JCAD: variants seen among roughly 807,000 people sequenced by gnomAD.
JCAD encodes the protein junctional cadherin 5 associated.
In JCAD, 40 loss-of-function variants were observed where a neutral mutation model predicts 98.0. The ratio of observed to expected loss-of-function variants is 0.41; its 90% CI spans 0.32 to 0.53. The LOEUF (loss-of-function observed/expected upper bound fraction) is 0.53, where lower values mean the gene tolerates loss of function less well. Among genes scored for constraint, JCAD ranks in the 20% least tolerant of loss-of-function variants. The pLI is 0.31. For missense variants in JCAD, 1,705 were observed against 1,738.1 expected, an observed-to-expected ratio of 0.98 and a Z score of 0.34; for synonymous variants, 691 against 682.3, an observed-to-expected ratio of 1.01 and a Z score of -0.20.
chr10:30,033,811 C>T (rs1837053155), intron 2 of JCAD, among the ~76,000 whole-genome samples: 1 of 152,168 alleles, frequency 6.6e-6, no homozygotes, highest in Non-Finnish European at 1.5e-5. Flanking sequence ...GAGAGCCCTT[C>T]CAATCACAGA....
intron 1 of JCAD, among the ~76,000 whole-genome samples, chr10:30,050,908 T>A (rs1394109317): frequency 6.6e-6 from 1 of 152,352 alleles, no homozygotes; most frequent in Non-Finnish European, 1.5e-5. Flanking sequence ...ACACTTTCAT[T>A]CATTCTATGC....
intron 1 of JCAD, among the ~76,000 whole-genome samples, chr10:30,084,781 G>GTATCTACC (rs1554801614): frequency 8.9e-5 from 13 of 146,760 alleles, no homozygotes; most frequent in African/African-American, 3.3e-4. Flanking sequence ...AATCAAATCT[G>GTATCTACC]TATCTATCTA....
chr10:30,057,273 T>C (rs1463085361), intron 1 of JCAD, among the ~76,000 whole-genome samples: 3 of 152,226 alleles, frequency 2.0e-5, no homozygotes, highest in African/African-American at 7.2e-5. Flanking sequence ...CAGTGAGAAC[T>C]TGGGGGAGCC....
At chr10:30,065,239 G>A (rs1434945667) in intron 2 of JCAD, among the ~76,000 whole-genome samples, 1 of 152,092 alleles carries the variant, frequency 6.6e-6, no homozygotes, top group East Asian at 1.9e-4. Context: ...CAAAATAGCT[G>A]GAAGAGAATA....
intron 1 of JCAD, among the ~76,000 whole-genome samples, chr10:30,053,568 AAG>A (rs144376258): frequency 4.0e-5 from 6 of 149,528 alleles, no homozygotes; most frequent in African/African-American, 9.8e-5. Context: ...TCAAAAAAAA[AAG>A]AAAAGAAAAG....
intron 1 of JCAD, among the ~76,000 whole-genome samples, chr10:30,058,341 G>GGACAC (rs1317621474): frequency 6.6e-6 from 1 of 152,148 alleles, no homozygotes; most frequent in African/African-American, 2.4e-5. Context: ...GAGGGAATGA[G>GGACAC]GACACGGGAG....
chr10:30,020,050 C>T (rs1014576563), intron 3 of JCAD, among the ~76,000 whole-genome samples: 7 of 150,982 alleles, frequency 4.6e-5, no homozygotes, highest in Non-Finnish European at 8.8e-5. Flanking sequence ...ATCTTTTGGC[C>T]GGGCGAGGTG....
chr10:30,060,717 C>T (rs1427204740), upstream of JCAD, among the ~76,000 whole-genome samples: 1 of 152,144 alleles, frequency 6.6e-6, no homozygotes, highest in East Asian at 1.9e-4. Flanking sequence ...CATCTGAGCC[C>T]TTCCTATGTA....
intron 1 of JCAD, among the ~76,000 whole-genome samples, chr10:30,092,568 G>A (rs1419743146): frequency 6.6e-6 from 1 of 152,144 alleles, no homozygotes; most frequent in Non-Finnish European, 1.5e-5. Context: ...CAAGCCCAGC[G>A]TTTTATGTCA....
At position 30,028,520 on chromosome 10, in the gene JCAD, G is replaced by T; in HGVS notation, c.1628C>A (p.Ser543Tyr). ...QHGHTGRQVSSPYSQGESTCE... is the reference protein window; with the variant it reads ...QHGHTGRQVSYPYSQGESTCE... ...GGTGCTCTCGCCCTGTGAGTAAGGGGAGGAAACTTGTCTTCCAGTGTGCCC... is the reference window on the plus strand; with the variant it reads ...GGTGCTCTCGCCCTGTGAGTAAGGGTAGGAAACTTGTCTTCCAGTGTGCCC... The change falls in exon 3 of 4, where the codon TCC becomes TAC. Residue 543 changes from serine to tyrosine, a missense_variant. Around this residue, in one of 3 missense-constraint regions of JCAD, gnomAD observed 1,278 missense variants for 1,243.1 expected, o/e 1.03. Coordinates refer to ENST00000375377, the MANE Select transcript of JCAD (RefSeq NM_020848.4). 6.2e-7 allele frequency: 1 copy of T among 1,614,232 alleles called. No homozygotes were observed. Among genetic ancestry groups the T allele is most frequent in the Non-Finnish European group, 8.5e-7 (1 of 1,180,050 alleles).
chr10:30,019,378 GA>G (rs1019576230), intron 3 of JCAD, among the ~76,000 whole-genome samples: 2 of 119,910 alleles, frequency 1.7e-5, no homozygotes, highest in African/African-American at 3.2e-5. Flanking sequence ...AAAAAAAAAA[GA>G]AAAAAAGAAA....
intron 2 of JCAD, among the ~76,000 whole-genome samples, chr10:30,045,074 C>CACTT (rs1388756557): frequency 2.6e-5 from 4 of 152,146 alleles, no homozygotes; most frequent in Non-Finnish European, 5.9e-5. Context: ...TACACAAAGC[C>CACTT]ACTTATCTGA....
chr10:30,068,528 T>A (rs1837826728), intron 2 of JCAD, among the ~76,000 whole-genome samples: 1 of 151,956 alleles, frequency 6.6e-6, no homozygotes, highest in South Asian at 2.1e-4. Context: ...TATCAGGGCA[T>A]ATCTTGGATT....
rs1324509261 is a variant in JCAD at position 30,026,386 on chromosome 10, T to G, written c.3762A>C (p.Ala1254=). Residue 1254 remains alanine, a synonymous_variant, in exon 3 of 4, where the codon GCA becomes GCC. Transcript: ENST00000375377. ...TCATTCTCATCAGGCGGTCAGGGTC[T>G]GCTCTCCTAGGCGGGGAGGCCAGTT... ...QEKLASPPRR[A]DPDRLMRMKE... The G allele has an allele frequency of 6.2e-6, 10 of 1,614,144 alleles. No individual in the cohort carries two copies. The highest frequency in any genetic ancestry group is 8.5e-6 in the Non-Finnish European group (10 of 1,180,052).
chr10:30,085,244 A>G (rs866121436), intron 1 of JCAD, among the ~76,000 whole-genome samples: 54 of 152,204 alleles, frequency 3.5e-4, no homozygotes, highest in Middle Eastern at 3.4e-3. Flanking sequence ...TTGGGACATC[A>G]GGGGAAAAGC....
At chr10:30,069,112 G>A (rs1837836197) in intron 2 of JCAD, among the ~76,000 whole-genome samples, 1 of 152,174 alleles carries the variant, frequency 6.6e-6, no homozygotes, top group African/African-American at 2.4e-5. Flanking sequence ...TTTTTCCGTT[G>A]ACCACAGCCT....
At chr10:30,091,894 G>C (rs1838273037) in intron 1 of JCAD, among the ~76,000 whole-genome samples, 1 of 145,928 alleles carries the variant, frequency 6.9e-6, no homozygotes, top group African/African-American at 2.5e-5. Flanking sequence ...TGGGCCTGGT[G>C]GCACGCGCCT....
intron 2 of JCAD, among the ~76,000 whole-genome samples, chr10:30,035,614 G>A (rs754470872): frequency 2.0e-5 from 3 of 152,306 alleles, no homozygotes; most frequent in East Asian, 3.9e-4. Flanking sequence ...GCTGCATAGG[G>A]TTTCAAAGCC....
intron 3 of JCAD, among the ~76,000 whole-genome samples, chr10:30,023,512 T>C (rs943623031): frequency 4.6e-5 from 7 of 152,148 alleles, no homozygotes; most frequent in African/African-American, 1.7e-4. Context: ...AGAAGTGCAC[T>C]CTCTATGGTG....
Sources: allele counts gnomAD v4.1 joint callset (sites outside exome capture counted in the v4.1 genomes callset), GRCh38; gene constraint gnomAD v4.1.1; regional missense constraint gnomAD v4.1.1; transcripts MANE v1.5; gene names NCBI Gene and HGNC (gene_info 2026-07-23, HGNC 2026-07-21).